MAP3K5: variants seen among roughly 807,000 people sequenced by gnomAD.
MAP3K5 encodes ASK-1.
MAP3K5 carries 56 observed loss-of-function variants against 158.7 expected under a neutral mutation model. That is an observed-to-expected ratio of 0.35 (90% CI 0.28 to 0.44). The LOEUF (loss-of-function observed/expected upper bound fraction) is 0.44, where lower values mean the gene tolerates loss of function less well. Among genes scored for constraint, MAP3K5 ranks in the 20% least tolerant of loss-of-function variants. The probability of loss-of-function intolerance (pLI) is 1.00; values close to 1 mark genes in which losing one functional copy is unlikely to be tolerated. For missense variants in MAP3K5, 1,294 were observed against 1,674.8 expected, an observed-to-expected ratio of 0.77 and a Z score of 3.97; for synonymous variants, 579 against 601.7, an observed-to-expected ratio of 0.96 and a Z score of 0.55.
At chr6:136,571,656 CTAGA>C (rs1774373773) in intron 25 of MAP3K5, among the ~76,000 whole-genome samples, 1 of 152,178 alleles carries the variant, frequency 6.6e-6, no homozygotes, top group Non-Finnish European at 1.5e-5. Flanking sequence ...TCATCTGTTG[CTAGA>C]TACTTGGGTT....
intron 25 of MAP3K5, chr6:136,579,844 C>A: frequency 6.6e-6 from 3 of 456,652 alleles, no homozygotes; most frequent in South Asian, 3.1e-5. Flanking sequence ...TTATTCCTGG[C>A]AGATTCTTAT....
chr6:136,645,563 C>T (rs1262680324), intron 11 of MAP3K5, among the ~76,000 whole-genome samples: 1 of 152,214 alleles, frequency 6.6e-6, no homozygotes, highest in African/African-American at 2.4e-5. Flanking sequence ...CAAATAACTT[C>T]TCTCTTCCTC....
At chr6:136,710,544 T>C (rs546755341) in intron 2 of MAP3K5, among the ~76,000 whole-genome samples, 43 of 152,316 alleles carry the variant, frequency 2.8e-4, no homozygotes, top group African/African-American at 1.0e-3. Context: ...TAACTTTTGA[T>C]AGCTCTCTGG....
intron 2 of MAP3K5, among the ~76,000 whole-genome samples, chr6:136,710,985 T>A (rs1781282669): frequency 6.6e-6 from 1 of 152,170 alleles, no homozygotes; most frequent in Non-Finnish European, 1.5e-5. Flanking sequence ...CTGGGCCTCC[T>A]AGGCCTTGCT....
chr6:136,576,895 A>G (rs1774644924), intron 25 of MAP3K5, among the ~76,000 whole-genome samples: 1 of 152,046 alleles, frequency 6.6e-6, no homozygotes, highest in Non-Finnish European at 1.5e-5. Context: ...TGCCTACAAT[A>G]TTCAGTTTAG....
At chr6:136,610,596 A>AT (rs1192283461) in intron 18 of MAP3K5, among the ~76,000 whole-genome samples, 1 of 149,004 alleles carries the variant, frequency 6.7e-6, no homozygotes, top group Non-Finnish European at 1.5e-5. Context: ...GAAATGTTTA[A>AT]TAAAAAAAAA....
At chr6:136,729,922 T>A (rs898921385) in intron 1 of MAP3K5, among the ~76,000 whole-genome samples, 1 of 152,202 alleles carries the variant, frequency 6.6e-6, no homozygotes, top group Non-Finnish European at 1.5e-5. Context: ...GCTTTGAACG[T>A]CATAATTAAG....
intron 8 of MAP3K5, among the ~76,000 whole-genome samples, chr6:136,663,262 T>C (rs1452408403): frequency 2.0e-5 from 3 of 152,212 alleles, no homozygotes; most frequent in Non-Finnish European, 4.4e-5. Context: ...ATCTCAAACA[T>C]ACATCAAAAT....
intron 7 of MAP3K5, among the ~76,000 whole-genome samples, chr6:136,673,942 A>T (rs1384184008): frequency 6.6e-6 from 1 of 152,128 alleles, no homozygotes; most frequent in Non-Finnish European, 1.5e-5. Context: ...ATAAAATAAG[A>T]TAATTATAGT....
chr6:136,768,696 T>C lies in MAP3K5; in HGVS notation c.448+23014A>G, dbSNP rs554739857. On this transcript the variant is annotated intron_variant, in intron 1 of 29. Transcript: ENST00000359015. Reference sequence around the variant, plus strand: ...TGGGAGGCCAAGGTGGGTGTATCACTTGAGGTCAGGGGTTCGAGACCAGCT... The same window carrying C: ...TGGGAGGCCAAGGTGGGTGTATCACCTGAGGTCAGGGGTTCGAGACCAGCT... Among the ~76,000 whole-genome samples the C allele has an allele frequency of 7.2e-5, 11 of 152,218 alleles. No homozygotes were observed. In the South Asian group the frequency reaches 2.3e-3, roughly 32 times the overall value.
At chr6:136,726,090 T>G (rs1322971532) in intron 1 of MAP3K5, among the ~76,000 whole-genome samples, 1 of 152,212 alleles carries the variant, frequency 6.6e-6, no homozygotes, top group Admixed American at 6.5e-5. Flanking sequence ...ATCAGGTAGG[T>G]CAACTCTATT....
At chr6:136,739,976 T>A (rs1348006605) in intron 1 of MAP3K5, among the ~76,000 whole-genome samples, 1 of 152,112 alleles carries the variant, frequency 6.6e-6, no homozygotes, top group East Asian at 1.9e-4. Flanking sequence ...CAGGAGCCCC[T>A]CTTTACAGCT....
At chr6:136,778,290 A>G (rs748142100) in intron 1 of MAP3K5, among the ~76,000 whole-genome samples, 42 of 152,130 alleles carry the variant, frequency 2.8e-4, no homozygotes, top group Non-Finnish European at 5.6e-4. Context: ...ATATTATACT[A>G]TTGTGAAAGA....
chr6:136,746,358 T>A (rs1249666149), intron 1 of MAP3K5, among the ~76,000 whole-genome samples: 5 of 152,192 alleles, frequency 3.3e-5, no homozygotes, highest in African/African-American at 1.2e-4. Context: ...TGGAAGATAA[T>A]CTTACCTGTA....
At chr6:136,632,784 C>A (rs1228981273) in intron 14 of MAP3K5, among the ~76,000 whole-genome samples, 1 of 152,004 alleles carries the variant, frequency 6.6e-6, no homozygotes, top group Non-Finnish European at 1.5e-5. Flanking sequence ...TTAATGAAGA[C>A]ATGGAAGGCA....
intron 21 of MAP3K5, among the ~76,000 whole-genome samples, chr6:136,599,954 G>GT (rs1775801701): frequency 1.3e-5 from 2 of 152,096 alleles, no homozygotes; most frequent in African/African-American, 4.8e-5. Flanking sequence ...CTTCTTCTGA[G>GT]TTTCCCCAGA....
intron 7 of MAP3K5, among the ~76,000 whole-genome samples, chr6:136,686,404 T>C (rs1234394681): frequency 1.3e-5 from 2 of 152,104 alleles, no homozygotes; most frequent in Non-Finnish European, 2.9e-5. Flanking sequence ...TTCAACATAG[T>C]ATTGGAAGTT....
At position 136,557,600 on chromosome 6, in the gene MAP3K5, G is replaced by A. The variant is rs972536796; in HGVS notation, c.*158C>T. The A allele has an allele frequency of 2.3e-5, 13 of 566,012 alleles. No individual in the cohort carries two copies. Among genetic ancestry groups the A allele is most frequent in the Non-Finnish European group, 6.3e-6 (2 of 319,556 alleles). 35.1% of individuals were successfully genotyped at this position (566,012 alleles called of 1,614,324 possible). On this transcript the variant is annotated 3_prime_UTR_variant, in exon 30 of 30. Coordinates refer to ENST00000359015, the MANE Select transcript of MAP3K5 (RefSeq NM_005923.4). ...AAATAGATGTAGTTAGGAAATTTCA[G>A]TGTGTTTTGTCTGTTTTTTTTTTTT...
intron 1 of MAP3K5, among the ~76,000 whole-genome samples, chr6:136,775,852 G>C (rs1006917364): frequency 8.5e-5 from 13 of 152,196 alleles, no homozygotes; most frequent in Non-Finnish European, 1.9e-4. Context: ...TCCCTTCTGG[G>C]ATCACTTGAA....
Sources: gnomAD v4.1 joint callset for allele counts (sites outside exome capture counted in the v4.1 genomes callset) on GRCh38, gnomAD v4.1.1 for gene constraint, MANE v1.5 for transcripts, NCBI Gene and HGNC (gene_info 2026-07-23, HGNC 2026-07-21) for gene names.